HSP90B1: variants seen among roughly 807,000 people sequenced by gnomAD.
HSP90B1 encodes the protein heat shock protein 90 beta family member 1.
HSP90B1 carries 27 observed loss-of-function variants against 100.4 expected under a neutral mutation model. The observed-to-expected ratio is 0.27, with a 90% CI of 0.20 to 0.37. HSP90B1 has a LOEUF of 0.37. HSP90B1 is among the 10% of genes least tolerant of loss of function. The probability of loss-of-function intolerance (pLI) is 1.00; values close to 1 mark genes in which losing one functional copy is unlikely to be tolerated. For synonymous variants in HSP90B1, 304 were observed against 330.8 expected, an observed-to-expected ratio of 0.92 and a Z score of 0.88; for missense variants, 678 against 960.5, an observed-to-expected ratio of 0.71 and a Z score of 3.89.
chr12:103,946,231 G>A (rs1352694633), intron 14 of HSP90B1, among the ~76,000 whole-genome samples: 1 of 152,084 alleles, frequency 6.6e-6, no homozygotes, highest in Non-Finnish European at 1.5e-5. Flanking sequence ...AAGTAGACTG[G>A]AAAAGTACAG....
At chr12:103,947,078 A>G (rs1293740872) in intron 16 of HSP90B1, 137 bp downstream of exon 16, 10 of 1,099,582 alleles carry the variant, frequency 9.1e-6, no homozygotes, top group Non-Finnish European at 1.3e-5. Flanking sequence ...ATTTTATTGA[A>G]TGTTTGAATC....
rs761631299 is a variant in HSP90B1, at chr12:103,941,535, C to T, written c.1218C>T (p.Ser406=). Reference sequence around the variant, plus strand: ...TTGACGAATATGGATCTAAAAAGAGCGATTACATTAAGGTGAGTTTTTAAG... The same window carrying T: ...TTGACGAATATGGATCTAAAAAGAGTGATTACATTAAGGTGAGTTTTTAAG... ...GLFDEYGSKK[S]DYIKLYVRRV... is the part of the protein sequence containing the mutation. The change falls in exon 9 of 18, where the codon AGC becomes AGT. Residue 406 remains serine, a synonymous_variant. Coordinates refer to ENST00000299767, the MANE Select transcript of HSP90B1 (RefSeq NM_003299.3). 1.4e-5 allele frequency: 23 copies of T among 1,613,868 alleles called. No individual in the cohort carries two copies. Among genetic ancestry groups the T allele is most frequent in the Middle Eastern group, 1.6e-4 (1 of 6,080 alleles).
At chr12:103,938,500 A>G in intron 7 of HSP90B1, 41 bp downstream of exon 7, 1 of 1,580,454 alleles carries the variant, frequency 6.3e-7, no homozygotes, top group Non-Finnish European at 8.6e-7. Context: ...ATTGTTTAAC[A>G]TGTATAGGCA....
chr12:103,932,269 T>C lies in HSP90B1; in HGVS notation c.153-8T>C. 1 of 1,600,382 alleles carries C rather than the reference T, an allele frequency of 6.2e-7. No homozygotes were observed. The highest frequency in any genetic ancestry group is 8.5e-7 in the Non-Finnish European group (1 of 1,174,492). ...TGCAATATTTGCTTACCTAACTGATTTCCTTAGAGAGGAAGAAGCTATTCA... is the reference window on the plus strand; with the variant it reads ...TGCAATATTTGCTTACCTAACTGATCTCCTTAGAGAGGAAGAAGCTATTCA... On this transcript the variant is annotated splice_polypyrimidine_tract_variant and splice_region_variant and intron_variant, in intron 2 of 17. Transcript: ENST00000299767.
intron 6 of HSP90B1, 51 bp downstream of exon 6, chr12:103,937,857 A>C: frequency 1.1e-6 from 1 of 952,100 alleles, no homozygotes; most frequent in East Asian, 2.5e-5. Context: ...GCACGTATTT[A>C]AATATTCAAC....
intron 5 of HSP90B1, among the ~76,000 whole-genome samples, chr12:103,937,392 C>T (rs916593589): frequency 6.6e-6 from 1 of 152,194 alleles, no homozygotes; most frequent in Non-Finnish European, 1.5e-5. Flanking sequence ...CAGAATATTT[C>T]AGTGCTTTCT....
chr12:103,942,609 A>G lies in HSP90B1; in HGVS notation c.1457A>G (p.Lys486Arg), dbSNP rs763311324. ...GATAAATACAATGATACTTTTTGGA[A>G]AGAATTTGGTACCAACATCAAGCTT... ...ADDKYNDTFWKEFGTNIKLGV... is the reference protein window; with the variant it reads ...ADDKYNDTFWREFGTNIKLGV... Residue 486 changes from lysine to arginine, a missense_variant, in exon 12 of 18, where the codon AAA becomes AGA. Around this residue, in one of 8 missense-constraint regions of HSP90B1, gnomAD observed 170 missense variants for 236.7 expected, o/e 0.72. Transcript: ENST00000299767. 2.4e-5 allele frequency: 39 copies of G among 1,613,848 alleles called. No homozygotes were observed. Among genetic ancestry groups the G allele is most frequent in the Middle Eastern group, 1.6e-4 (1 of 6,084 alleles).
intron 8 of HSP90B1, among the ~76,000 whole-genome samples, chr12:103,940,476 C>G (rs964561362): frequency 1.1e-4 from 17 of 152,076 alleles, no homozygotes; most frequent in Admixed American, 3.3e-4. Flanking sequence ...TGGACTTAAC[C>G]ATAGCTAAAT....
At chr12:103,931,787 G>C (rs1869772052) in intron 2 of HSP90B1, 164 bp downstream of exon 2, 1 of 671,766 alleles carries the variant, frequency 1.5e-6, no homozygotes, top group African/African-American at 1.8e-5. Context: ...CTTGTCCCTA[G>C]GAGTGATGAA....
intron 14 of HSP90B1, among the ~76,000 whole-genome samples, chr12:103,945,545 G>A (rs1361625469): frequency 6.6e-6 from 1 of 152,158 alleles, no homozygotes; most frequent in Admixed American, 6.5e-5. Context: ...CGAAGGCATC[G>A]TGGAGAAGGT....
intron 14 of HSP90B1, among the ~76,000 whole-genome samples, chr12:103,944,834 G>A (rs193231898): frequency 6.0e-4 from 92 of 152,320 alleles, no homozygotes; most frequent in African/African-American, 2.2e-3. Context: ...GATTACAGGC[G>A]TGGGCCACTG....
chr12:103,931,518 C>G lies in HSP90B1; in HGVS notation c.50-3C>G. 6.2e-7 allele frequency: 1 copy of G among 1,610,444 alleles called. No homozygotes were observed. Reference sequence around the variant, plus strand: ...GAAGAGTTTGCCCGTGTTAAATCTTCAGGGTCGGTCAGAGCTGACGATGAA... The same window carrying G: ...GAAGAGTTTGCCCGTGTTAAATCTTGAGGGTCGGTCAGAGCTGACGATGAA... On this transcript the variant is annotated splice_polypyrimidine_tract_variant and splice_region_variant and intron_variant, in intron 1 of 17. Transcript: ENST00000299767.
At chr12:103,947,579 G>T (rs1870275228) in intron 17 of HSP90B1, 54 bp from the exon 18 acceptor site, 1 of 1,546,762 alleles carries the variant, frequency 6.5e-7, no homozygotes, top group Non-Finnish European at 8.8e-7. Flanking sequence ...TGTGAGCTAG[G>T]TTTTTTTTCT....
At position 103,943,139 on chromosome 12, in the gene HSP90B1, A is replaced by C; in HGVS notation, c.1710A>C (p.Glu570Asp). The C allele has an allele frequency of 6.2e-7, 1 of 1,614,124 alleles. No individual in the cohort carries two copies. The highest frequency in any genetic ancestry group is 1.6e-4 in the Middle Eastern group (1 of 6,062). Residue 570 changes from glutamate (E) to aspartate (D), a missense_variant, in exon 13 of 18, where the codon GAA becomes GAC. Transcript: ENST00000299767. The surrounding 1 kb of genome is among the most constrained non-coding windows in gnomAD (Gnocchi z 5.3). Reference sequence around the variant, plus strand: ...GCTATGAAGTTATTTACCTCACAGAACCTGTGGATGAATACTGTATTCAGG... The same window carrying C: ...GCTATGAAGTTATTTACCTCACAGACCCTGTGGATGAATACTGTATTCAGG... Reference protein sequence around the residue: ...KKGYEVIYLTEPVDEYCIQAL... With the variant: ...KKGYEVIYLTDPVDEYCIQAL...
intron 6 of HSP90B1, 83 bp from the exon 7 acceptor site, chr12:103,938,257 C>T: frequency 8.0e-7 from 1 of 1,245,686 alleles, no homozygotes; most frequent in Non-Finnish European, 1.1e-6. Flanking sequence ...TATTTTTTGA[C>T]CTGTAATGTT....
At position 103,947,874 on chromosome 12, in the gene HSP90B1, A is replaced by G. The variant is rs1160438504; in HGVS notation, c.*212A>G. ...GTAAATTTGTACTATTTAACTGACT[A>G]TTCTTGATGTAAAATCTTGTCATGT... is the stretch of plus-strand genomic sequence containing the variant. On this transcript the variant is annotated 3_prime_UTR_variant, in exon 18 of 18. Transcript: ENST00000299767. 1 of 559,416 alleles carries G rather than the reference A, an allele frequency of 1.8e-6. No homozygotes were observed. Among genetic ancestry groups the G allele is most frequent in the African/African-American group, 1.9e-5 (1 of 51,734 alleles). The allele number at this position is 559,416 out of a possible 1,614,324, so 34.7% of individuals were successfully genotyped here.
rs751073447 is a variant in HSP90B1 at position 103,939,540 on chromosome 12, T to C, written c.1007T>C (p.Met336Thr). ...AAAACTGTCTGGGACTGGGAACTTATGAATGATATCAAACCAATATGGCAG... is the reference window on the plus strand; with the variant it reads ...AAAACTGTCTGGGACTGGGAACTTACGAATGATATCAAACCAATATGGCAG... ...VEKTVWDWEL[M>T]NDIKPIWQRP... Residue 336 changes from methionine to threonine, a missense_variant, in exon 8 of 18, where the codon ATG becomes ACG. Physicochemically the swap from Met to Thr is moderately conservative, Grantham distance 81. Coordinates refer to ENST00000299767, the MANE Select transcript of HSP90B1 (RefSeq NM_003299.3). The C allele has an allele frequency of 5.1e-6, 8 of 1,576,870 alleles. No individual in the cohort carries two copies. Among genetic ancestry groups the C allele is most frequent in the Admixed American group, 3.8e-5 (2 of 53,022 alleles).
At chr12:103,947,606 T>G (rs761158438) in intron 17 of HSP90B1, 27 bp from the exon 18 acceptor site, 3 of 1,568,582 alleles carry the variant, frequency 1.9e-6, no homozygotes, top group Admixed American at 3.7e-5. Flanking sequence ...TTTTAATACC[T>G]TCTGGGTTTT....
In HSP90B1 at chr12:103,931,560, C is replaced by T. The variant is rs1869762219; in HGVS notation, c.89C>T (p.Thr30Ile). 1 of 1,613,706 alleles carries T rather than the reference C, an allele frequency of 6.2e-7. No individual in the cohort carries two copies. The highest frequency in any genetic ancestry group is 8.5e-7 in the Non-Finnish European group (1 of 1,179,698). Residue 30 changes from threonine (T) to isoleucine (I), a missense_variant, in exon 2 of 18, where the codon ACA (threonine) becomes ATA (isoleucine). Physicochemically the swap from Thr to Ile is moderately conservative, Grantham distance 89. Coordinates refer to ENST00000299767, the MANE Select transcript of HSP90B1 (RefSeq NM_003299.3). ...GACGATGAAGTTGATGTGGATGGTA[C>T]AGTAGAAGAGGATCTGGGTAAAAGT... ...RADDEVDVDG[T>I]VEEDLGKSRE...
Sources: gnomAD v4.1 joint callset for allele counts (sites outside exome capture counted in the v4.1 genomes callset) on GRCh38, gnomAD v4.1.1 for gene constraint, gnomAD v4.1.1 regional missense constraint, Gnocchi (gnomAD v3.1) non-coding constraint, MANE v1.5 for transcripts, NCBI Gene and HGNC (gene_info 2026-07-23, HGNC 2026-07-21) for gene names.